The following MGRN1 variants were observed in gnomAD, a reference collection of about 807,000 sequenced individuals.
MGRN1 encodes E3 ubiquitin-protein ligase MGRN1.
Under a neutral mutation model 69.2 loss-of-function variants are expected in MGRN1, and 29 were observed. That is an observed-to-expected ratio of 0.42 (90% CI 0.31 to 0.57). The LOEUF is 0.57. Ranked by LOEUF, MGRN1 falls within the 20% of genes least tolerant of loss-of-function variation. The pLI is 0.15. For synonymous variants in MGRN1, 470 were observed against 344.2 expected, an observed-to-expected ratio of 1.37 and a Z score of -4.04; for missense variants, 998 against 796.2, an observed-to-expected ratio of 1.25 and a Z score of -3.05.
intron 5 of MGRN1, among the ~76,000 whole-genome samples, chr16:4,660,444 C>T (rs2078651152): frequency 6.6e-6 from 1 of 152,224 alleles, no homozygotes; most frequent in African/African-American, 2.4e-5. Flanking sequence ...TTATTCCACA[C>T]CAGTAAAGCA....
intron 12 of MGRN1, among the ~76,000 whole-genome samples, chr16:4,680,844 C>G (rs970452837): frequency 1.4e-4 from 22 of 152,228 alleles, no homozygotes; most frequent in Non-Finnish European, 1.3e-4. Flanking sequence ...CCGCACCCAT[C>G]TCACTTTCCC....
chr16:4,664,904 G>A lies in MGRN1; in HGVS notation c.628+129G>A, dbSNP rs117702052. On this transcript the variant is annotated intron_variant, in intron 6 of 16. Coordinates refer to ENST00000262370, the MANE Select transcript of MGRN1 (RefSeq NM_015246.4). ...AGGGCCTTGGGCTTCCCACAGGGCA[G>A]GGTGTGAGCAGCTTGGAGTCCCGGG... 8 of 1,331,738 alleles carry A rather than the reference G, an allele frequency of 6.0e-6. No homozygotes were observed. The East Asian group carries it at 1.9e-4, about 31-fold the overall frequency. The allele number at this position is 1,331,738 out of a possible 1,614,324, so 82.5% of individuals were successfully genotyped here. A position where few individuals can be genotyped will look rare whatever the true frequency, so the allele number is the denominator to read the frequency against.
chr16:4,645,992 C>G (rs2078266114), intron 1 of MGRN1, among the ~76,000 whole-genome samples: 1 of 152,142 alleles, frequency 6.6e-6, no homozygotes, highest in Admixed American at 6.5e-5. Flanking sequence ...TCACGTAGAC[C>G]ACGTCTCAGA....
intron 16 of MGRN1, among the ~76,000 whole-genome samples, chr16:4,684,547 G>A (rs1232513403): frequency 1.3e-5 from 2 of 152,356 alleles, no homozygotes; most frequent in East Asian, 1.9e-4. Context: ...AGAGGACGGC[G>A]GGGGCGCCAG....
At position 4,689,529 on chromosome 16, in the gene MGRN1, TAGAGTGTCTCAG is replaced by T. The variant is rs1350950888; in HGVS notation, c.*622_*633del. On this transcript the variant is annotated 3_prime_UTR_variant, in exon 17 of 17. Coordinates refer to ENST00000262370, the MANE Select transcript of MGRN1 (RefSeq NM_015246.4). ...GTGCATGGGTGCCGCCCTGGGCAGC[TAGAGTGTCTCAG>T]CCCGGTGCTGGGCCTGGCCGAGGGG... 6.6e-6 allele frequency: 1 copy of T among 152,542 alleles called. No homozygotes were observed. Among genetic ancestry groups the T allele is most frequent in the East Asian group, 1.9e-4 (1 of 5,184 alleles). 9.4% of individuals were successfully genotyped at this position (152,542 alleles called of 1,614,324 possible). A position where few individuals can be genotyped will look rare whatever the true frequency, so the allele number is the denominator to read the frequency against.
intron 5 of MGRN1, among the ~76,000 whole-genome samples, chr16:4,659,528 C>T (rs11644807): frequency 6.6e-6 from 1 of 152,204 alleles, no homozygotes; most frequent in Non-Finnish European, 1.5e-5. Flanking sequence ...GTTGGAATCA[C>T]GATGCCCCCA....
intron 8 of MGRN1, among the ~76,000 whole-genome samples, chr16:4,668,782 A>G (rs2078870212): frequency 6.6e-6 from 1 of 151,986 alleles, no homozygotes; most frequent in Admixed American, 6.6e-5. Flanking sequence ...ATAGACATTC[A>G]TACACATATA....
chr16:4,663,173 C>T (rs913893645), intron 5 of MGRN1, among the ~76,000 whole-genome samples: 1 of 152,168 alleles, frequency 6.6e-6, no homozygotes, highest in African/African-American at 2.4e-5. Flanking sequence ...AAGTGATTCT[C>T]CTACCTCAGC....
chr16:4,635,168 T>C (rs1415392275), intron 1 of MGRN1: 4 of 152,268 alleles, frequency 2.6e-5, no homozygotes, highest in Non-Finnish European at 5.9e-5. Context: ...TCCCAGCACT[T>C]TGGGAGGCTG....
rs928161484 is a variant in MGRN1, at chr16:4,690,708, C to G, written c.*1800C>G. On this transcript the variant is annotated 3_prime_UTR_variant, in exon 17 of 17. Transcript: ENST00000262370. The stretch of plus-strand genomic sequence containing the variant: ...TGTGTGCACTCGGACCGAGCATCTC[C>G]CACGCACCTCTACCCCACCCCAAGC... 3 of 152,106 alleles carry G rather than the reference C, an allele frequency of 2.0e-5. No individual in the cohort carries two copies. The highest frequency in any genetic ancestry group is 7.3e-5 in the African/African-American group (3 of 41,358). The allele number at this position is 152,106 out of a possible 1,614,324, so 9.4% of individuals were successfully genotyped here.
At chr16:4,664,367 G>A in intron 5 of MGRN1, 1 of 342,018 alleles carries the variant, frequency 2.9e-6, no homozygotes, top group South Asian at 3.6e-5. Flanking sequence ...GAGGGGATGG[G>A]GAGTGTGTGG....
At position 4,681,646 on chromosome 16, in the gene MGRN1, C is replaced by G. The variant is rs990631309; in HGVS notation, c.1228C>G (p.Leu410Val). The G allele has an allele frequency of 2.5e-6, 4 of 1,613,550 alleles. No homozygotes were observed. The highest frequency in any genetic ancestry group is 2.2e-5 in the East Asian group (1 of 44,876). Reference protein sequence around the residue: ...AVSPAIPSAPLYEEITYSGIS... With the variant: ...AVSPAIPSAPVYEEITYSGIS... ...CTCCCCGGCCATCCCCTCGGCCCCT[C>G]TTTATGAAGAAATCACCTATTCAGG... The change falls in exon 13 of 17, where the codon CTT (leucine) becomes GTT (valine). Residue 410 changes from leucine (L) to valine (V), a missense_variant. Physicochemically the swap from Leu to Val is conservative, Grantham distance 32. Transcript: ENST00000262370.
chr16:4,657,134 G>A, intron 4 of MGRN1, 112 bp from the exon 5 acceptor site: 4 of 1,000,312 alleles, frequency 4.0e-6, no homozygotes, highest in Non-Finnish European at 6.1e-6. Context: ...CATGAGAGAG[G>A]GTCCCCAAAA....
At position 4,657,427 on chromosome 16, in the gene MGRN1, G is replaced by A. The variant is rs775660029; in HGVS notation, c.561+64G>A. ...CTGAATTCTCTCCCCTTGGGGGTGGGGCCAGCACAGTGGGGTCTGTGTGTT... is the reference window on the plus strand; with the variant it reads ...CTGAATTCTCTCCCCTTGGGGGTGGAGCCAGCACAGTGGGGTCTGTGTGTT... On this transcript the variant is annotated intron_variant, in intron 5 of 16. Transcript: ENST00000262370. 2.2e-4 allele frequency: 327 copies of A among 1,482,914 alleles called. 1 individual carries two copies. Among genetic ancestry groups the A allele is most frequent in the Non-Finnish European group, 2.2e-4 (237 of 1,063,492 alleles). The allele number at this position is 1,482,914 out of a possible 1,614,324, so 91.9% of individuals were successfully genotyped here.
chr16:4,639,675 G>A (rs2078114923), intron 1 of MGRN1: 1 of 152,376 alleles, frequency 6.6e-6, no homozygotes, highest in East Asian at 1.9e-4. Context: ...TTGGGGGTGT[G>A]GAGGAAAGGC....
At chr16:4,630,048 C>CAA (rs1166734489) in intron 1 of MGRN1, among the ~76,000 whole-genome samples, 1,317 of 43,712 alleles carry the variant, frequency 0.03, 63 homozygotes, top group African/African-American at 0.046. Flanking sequence ...GACACCATCT[C>CAA]AAAAAAAAAA....
At chr16:4,651,073 C>T in intron 2 of MGRN1, 1 of 151,176 alleles carries the variant, frequency 6.6e-6, no homozygotes, top group East Asian at 1.9e-4. Context: ...TGCACCACTA[C>T]ACTCCAGACT....
At chr16:4,681,437 T>TG in intron 12 of MGRN1, 113 bp from the exon 13 acceptor site, 1 of 1,013,962 alleles carries the variant, frequency 9.9e-7, no homozygotes, top group East Asian at 2.6e-5. Flanking sequence ...CCTCTGAGGG[T>TG]GGGGGAGTCT....
chr16:4,630,402 A>C (rs902093420), intron 1 of MGRN1, among the ~76,000 whole-genome samples: 5 of 151,752 alleles, frequency 3.3e-5, no homozygotes, highest in Non-Finnish European at 7.4e-5. Context: ...GCCTAGGTCA[A>C]GGTCACAAAG....
Sources: allele counts gnomAD v4.1 joint callset (sites outside exome capture counted in the v4.1 genomes callset), GRCh38; gene constraint gnomAD v4.1.1; transcripts MANE v1.5; gene names NCBI Gene and HGNC (gene_info 2026-07-23, HGNC 2026-07-21).